GALNTL6: variants seen among roughly 807,000 people sequenced by gnomAD.
GALNTL6 encodes polypeptide N-acetylgalactosaminyltransferase like 6.
Under a neutral mutation model 73.7 loss-of-function variants are expected in GALNTL6, and 46 were observed. The observed-to-expected ratio is 0.62, with a 90% CI of 0.49 to 0.80. GALNTL6 has a LOEUF of 0.80. Ranked by LOEUF, GALNTL6 falls within the 30% of genes least tolerant of loss-of-function variation. The pLI is 0.00. For synonymous variants in GALNTL6, 259 were observed against 263.7 expected (o/e 0.98, Z 0.17); for missense variants, 604 against 755.0 (o/e 0.80, Z 2.34).
At chr4:172,541,566 A>T (rs1735550598) in intron 5 of GALNTL6, among the ~76,000 whole-genome samples, 1 of 152,208 alleles carries the variant, frequency 6.6e-6, no homozygotes, top group African/African-American at 2.4e-5. Flanking sequence ...AGTAAGATAA[A>T]CTTGGAAGAG....
intron 5 of GALNTL6, among the ~76,000 whole-genome samples, chr4:172,560,212 TC>T (rs1222524090): frequency 6.6e-6 from 1 of 152,070 alleles, no homozygotes; most frequent in Non-Finnish European, 1.5e-5. Context: ...GCGTGATGGT[TC>T]ACGGCTGTAG....
At chr4:172,168,240 A>G (rs1734695373) in intron 2 of GALNTL6, among the ~76,000 whole-genome samples, 1 of 152,086 alleles carries the variant, frequency 6.6e-6, no homozygotes, top group Non-Finnish European at 1.5e-5. Context: ...AAAAGCTCCA[A>G]ATATCAAGAT....
chr4:172,635,536 A>G (rs560824709), intron 5 of GALNTL6, among the ~76,000 whole-genome samples: 9 of 152,198 alleles, frequency 5.9e-5, no homozygotes, highest in Non-Finnish European at 1.0e-4. Context: ...CAAATTTTGC[A>G]TATTTGAAAA....
intron 2 of GALNTL6, among the ~76,000 whole-genome samples, chr4:172,021,428 C>T (rs59960467): frequency 0.014 from 2,079 of 151,886 alleles, 44 homozygotes; most frequent in African/African-American, 0.047. Context: ...AAGACATTGA[C>T]GAAAGAAATT....
intron 5 of GALNTL6, among the ~76,000 whole-genome samples, chr4:172,441,074 C>T (rs982896713): frequency 6.6e-6 from 1 of 152,036 alleles, no homozygotes; most frequent in African/African-American, 2.4e-5. Flanking sequence ...TTAAACATCT[C>T]TTCCAACCTA....
intron 5 of GALNTL6, among the ~76,000 whole-genome samples, chr4:172,398,324 G>T (rs535736405): frequency 6.6e-6 from 1 of 152,260 alleles, no homozygotes; most frequent in South Asian, 2.1e-4. Context: ...AAAATAAGAA[G>T]ATATGAGGGC....
At chr4:172,344,570 T>G (rs1741677578) in intron 4 of GALNTL6, among the ~76,000 whole-genome samples, 1 of 152,222 alleles carries the variant, frequency 6.6e-6, no homozygotes, top group South Asian at 2.1e-4. Context: ...CAGAGGAATA[T>G]GTAAACACGA....
chr4:172,925,957 T>C (rs995467945), intron 8 of GALNTL6, among the ~76,000 whole-genome samples: 2 of 152,234 alleles, frequency 1.3e-5, no homozygotes, highest in South Asian at 4.1e-4. Flanking sequence ...TTACTGTGTG[T>C]TTATTAGGTT....
At chr4:172,854,997 A>T (rs1165244191) in intron 7 of GALNTL6, among the ~76,000 whole-genome samples, 1 of 152,184 alleles carries the variant, frequency 6.6e-6, no homozygotes, top group Non-Finnish European at 1.5e-5. Flanking sequence ...TGCCTCAGTA[A>T]ATCTAGAACA....
chr4:172,647,008 TTAA>T (rs1201325779), intron 5 of GALNTL6, among the ~76,000 whole-genome samples: 2 of 152,086 alleles, frequency 1.3e-5, no homozygotes, highest in African/African-American at 4.8e-5. Flanking sequence ...GAGTGATTTC[TTAA>T]TAACATAATT....
At chr4:171,871,080 G>A (rs956788780) in intron 2 of GALNTL6, among the ~76,000 whole-genome samples, 3 of 152,106 alleles carry the variant, frequency 2.0e-5, no homozygotes, top group Non-Finnish European at 2.9e-5. Context: ...TTATATTAAT[G>A]TGTAATAATA....
At chr4:172,299,838 T>C (rs539209724) in intron 3 of GALNTL6, among the ~76,000 whole-genome samples, 2 of 152,354 alleles carry the variant, frequency 1.3e-5, no homozygotes, top group African/African-American at 2.4e-5. Context: ...GAAGAATGTA[T>C]ATTCTGTTGA....
At chr4:171,866,487 T>C (rs1383719923) in intron 2 of GALNTL6, among the ~76,000 whole-genome samples, 1 of 152,184 alleles carries the variant, frequency 6.6e-6, no homozygotes. Flanking sequence ...AAGTTTCTTT[T>C]TTCTCTCTCT....
At chr4:172,609,769 A>G (rs1400310863) in intron 5 of GALNTL6, among the ~76,000 whole-genome samples, 1 of 151,766 alleles carries the variant, frequency 6.6e-6, no homozygotes, top group South Asian at 2.1e-4. Context: ...TAGGAATTAT[A>G]CCAGCTCTTC....
chr4:172,925,331 G>C (rs1748002865), intron 8 of GALNTL6, among the ~76,000 whole-genome samples: 1 of 152,084 alleles, frequency 6.6e-6, no homozygotes, highest in Non-Finnish European at 1.5e-5. Flanking sequence ...ACTTCTGAGG[G>C]GAAGAATTTT....
chr4:171,876,414 A>G (rs867929246), intron 2 of GALNTL6, among the ~76,000 whole-genome samples: 1 of 152,242 alleles, frequency 6.6e-6, no homozygotes, highest in African/African-American at 2.4e-5. Flanking sequence ...GATAAATGTC[A>G]TCTACATTAG....
intron 5 of GALNTL6, among the ~76,000 whole-genome samples, chr4:172,757,321 CTT>C (rs754782364): frequency 6.6e-6 from 1 of 152,180 alleles, no homozygotes; most frequent in Non-Finnish European, 1.5e-5. Context: ...TGGTCCTTCT[CTT>C]AACAATCTAT....
intron 10 of GALNTL6, among the ~76,000 whole-genome samples, chr4:172,984,094 G>C (rs753813289): frequency 7.2e-5 from 11 of 152,130 alleles, no homozygotes; most frequent in Non-Finnish European, 1.2e-4. Context: ...ATATGAAAAT[G>C]TTCTTAGGCC....
chr4:172,405,529 A>G (rs1178807352), intron 5 of GALNTL6, among the ~76,000 whole-genome samples: 1 of 149,406 alleles, frequency 6.7e-6, no homozygotes, highest in Non-Finnish European at 1.5e-5. Flanking sequence ...ACAAAGGATC[A>G]GTAGCTACAC....
Sources: allele counts gnomAD v4.1 joint callset (sites outside exome capture counted in the v4.1 genomes callset), GRCh38; gene constraint gnomAD v4.1.1; transcripts MANE v1.5; gene names NCBI Gene and HGNC (gene_info 2026-07-23, HGNC 2026-07-21).